The following PTPRM variants were observed in gnomAD, a reference collection of about 807,000 sequenced individuals.
PTPRM encodes the protein receptor-type tyrosine-protein phosphatase mu.
In PTPRM, 47 loss-of-function variants were observed where a neutral mutation model predicts 186.7. The observed-to-expected ratio is 0.25, with a 90% CI of 0.20 to 0.32. PTPRM has a LOEUF of 0.32. Among genes scored for constraint, PTPRM ranks in the 10% least tolerant of loss-of-function variants. The pLI is 1.00. For missense variants in PTPRM, 1,494 were observed against 1,865.0 expected, an observed-to-expected ratio of 0.80 and a Z score of 3.66; for synonymous variants, 668 against 674.9, an observed-to-expected ratio of 0.99 and a Z score of 0.16.
chr18:7,628,664 T>G lies in PTPRM; in HGVS notation c.73+60773T>G, dbSNP rs1052417957. On this transcript the variant is annotated intron_variant, in intron 1 of 32. Coordinates refer to ENST00000580170, the MANE Select transcript of PTPRM (RefSeq NM_001105244.2). ...AAATTTTAACATTTCAATTCTAGTT[T>G]TGTCCATGACTGTTAATAATTCAGT... Among the ~76,000 whole-genome samples, 58 of 152,220 alleles carry G rather than the reference T, an allele frequency of 3.8e-4. 1 individual carries two copies. Among genetic ancestry groups the G allele is most frequent in the Admixed American group, 1.3e-4 (2 of 15,284 alleles).
At chr18:8,127,579 G>A (rs1290831641) in intron 13 of PTPRM, among the ~76,000 whole-genome samples, 2 of 151,832 alleles carry the variant, frequency 1.3e-5, no homozygotes, top group Non-Finnish European at 2.9e-5. Flanking sequence ...TTTCAGGAGG[G>A]GCAACTGGAC....
chr18:8,375,250 C>T (rs562234102), intron 24 of PTPRM, among the ~76,000 whole-genome samples: 2 of 152,166 alleles, frequency 1.3e-5, no homozygotes, highest in Non-Finnish European at 2.9e-5. Flanking sequence ...CTGACCTAGC[C>T]TAGAATTCCA....
intron 19 of PTPRM, among the ~76,000 whole-genome samples, chr18:8,282,782 A>G (rs1441961896): frequency 6.6e-6 from 1 of 152,218 alleles, no homozygotes; most frequent in Non-Finnish European, 1.5e-5. Context: ...CTGTAAATAA[A>G]TATCCATAAC....
chr18:7,794,596 A>AC (rs2145251160), intron 2 of PTPRM, among the ~76,000 whole-genome samples: 2 of 152,352 alleles, frequency 1.3e-5, no homozygotes, highest in East Asian at 3.9e-4. Flanking sequence ...ATAGAGACTT[A>AC]TGAGTAAGAT....
intron 1 of PTPRM, among the ~76,000 whole-genome samples, chr18:7,654,578 T>C (rs1411830751): frequency 2.6e-5 from 4 of 152,220 alleles, no homozygotes; most frequent in African/African-American, 4.8e-5. Flanking sequence ...AGGGTTTTTA[T>C]AGTTTTGAGT....
intron 7 of PTPRM, among the ~76,000 whole-genome samples, chr18:8,035,431 T>TACA (rs961130243): frequency 3.3e-5 from 5 of 152,082 alleles, no homozygotes; most frequent in African/African-American, 1.2e-4. Flanking sequence ...GCTACTCAAG[T>TACA]CCCTGATATA....
intron 11 of PTPRM, among the ~76,000 whole-genome samples, chr18:8,105,228 T>C (rs1166739021): frequency 3.9e-5 from 6 of 152,342 alleles, no homozygotes; most frequent in Admixed American, 2.0e-4. Context: ...CAGTGAGTGT[T>C]AGCAAAAGGT....
At chr18:8,182,423 G>A (rs191240442) in intron 14 of PTPRM, among the ~76,000 whole-genome samples, 490 of 152,226 alleles carry the variant, frequency 3.2e-3, no homozygotes, top group African/African-American at 0.011. Context: ...GAGACATTAC[G>A]CAAGCTAAAC....
intron 2 of PTPRM, among the ~76,000 whole-genome samples, chr18:7,818,002 C>T (rs2044942645): frequency 6.6e-6 from 1 of 152,206 alleles, no homozygotes; most frequent in Non-Finnish European, 1.5e-5. Context: ...CTGTCCTTAA[C>T]CTCACACTCC....
At chr18:7,664,859 G>A (rs1299901236) in intron 1 of PTPRM, among the ~76,000 whole-genome samples, 1 of 152,194 alleles carries the variant, frequency 6.6e-6, no homozygotes, top group Non-Finnish European at 1.5e-5. Context: ...TGTGAGATGG[G>A]GATGAGATAG....
chr18:8,079,022 T>C (rs1568305453), intron 9 of PTPRM, among the ~76,000 whole-genome samples: 1 of 152,236 alleles, frequency 6.6e-6, no homozygotes, highest in Non-Finnish European at 1.5e-5. Flanking sequence ...ATGAATATGC[T>C]GTAGCTTTAG....
At position 7,709,177 on chromosome 18, in the gene PTPRM, A is replaced by G. The variant is rs540576019; in HGVS notation, c.74-64972A>G. 6.5e-4 allele frequency among the ~76,000 whole-genome samples: 99 copies of G among 152,294 alleles called. 1 individual carries two copies. Among genetic ancestry groups the G allele is most frequent in the Non-Finnish European group, 2.9e-4 (20 of 68,006 alleles). ...ATGATAGACCACAAAACAAGTCTCA[A>G]TAAATTTAAGAAAATTGAAATCATA... On this transcript the variant is annotated intron_variant, in intron 1 of 32. Coordinates refer to ENST00000580170, the MANE Select transcript of PTPRM (RefSeq NM_001105244.2).
At chr18:7,892,663 G>A (rs2049141240) in intron 3 of PTPRM, among the ~76,000 whole-genome samples, 1 of 152,162 alleles carries the variant, frequency 6.6e-6, no homozygotes, top group South Asian at 2.1e-4. Context: ...TTAGTCTGCT[G>A]TGCTGCAGTA....
chr18:8,018,920 C>T (rs2085041367), intron 7 of PTPRM, among the ~76,000 whole-genome samples: 1 of 152,164 alleles, frequency 6.6e-6, no homozygotes, highest in Admixed American at 6.6e-5. Context: ...CCAGTCCAAG[C>T]TGCCACACAC....
intron 14 of PTPRM, among the ~76,000 whole-genome samples, chr18:8,237,398 A>G (rs934249855): frequency 1.4e-5 from 2 of 141,956 alleles, no homozygotes; most frequent in Admixed American, 1.4e-4. Context: ...AATATTTTGT[A>G]GAAGGCAGAT....
chr18:8,197,724 A>G (rs971961661), intron 14 of PTPRM, among the ~76,000 whole-genome samples: 4 of 152,204 alleles, frequency 2.6e-5, no homozygotes, highest in African/African-American at 9.6e-5. Flanking sequence ...CACACACAAA[A>G]AGCCTTACGG....
intron 14 of PTPRM, among the ~76,000 whole-genome samples, chr18:8,186,016 G>T (rs957976008): frequency 2.0e-5 from 3 of 152,162 alleles, no homozygotes; most frequent in Non-Finnish European, 4.4e-5. Context: ...AGATAGGAAA[G>T]AAATATTATG....
chr18:8,262,943 G>A (rs546971353), intron 19 of PTPRM, among the ~76,000 whole-genome samples: 3 of 152,246 alleles, frequency 2.0e-5, no homozygotes, highest in African/African-American at 7.2e-5. Flanking sequence ...AGCTCAGAAT[G>A]TTACAAATCA....
intron 11 of PTPRM, among the ~76,000 whole-genome samples, chr18:8,099,560 G>A (rs2091190613): frequency 6.6e-6 from 1 of 151,738 alleles, no homozygotes; most frequent in Non-Finnish European, 1.5e-5. Flanking sequence ...AAGTAAACAG[G>A]CCAATGTGTC....
Sources: gnomAD v4.1 joint callset for allele counts (sites outside exome capture counted in the v4.1 genomes callset) on GRCh38, gnomAD v4.1.1 for gene constraint, MANE v1.5 for transcripts, NCBI Gene and HGNC (gene_info 2026-07-23, HGNC 2026-07-21) for gene names.